The following GAPVD1 variants were observed in gnomAD, a reference collection of about 807,000 sequenced individuals.
GAPVD1 encodes GTPase-activating protein and VPS9 domain-containing protein 1.
Under a neutral mutation model 155.5 loss-of-function variants are expected in GAPVD1, and 35 were observed. The ratio of observed to expected loss-of-function variants is 0.23; its 90% CI spans 0.17 to 0.30. The LOEUF (loss-of-function observed/expected upper bound fraction) is 0.30, where lower values mean the gene tolerates loss of function less well. GAPVD1 is among the 10% of genes least tolerant of loss of function. The probability of loss-of-function intolerance (pLI) is 1.00; values close to 1 mark genes in which losing one functional copy is unlikely to be tolerated. For synonymous variants in GAPVD1, 636 were observed against 619.7 expected, an observed-to-expected ratio of 1.03 and a Z score of -0.39; for missense variants, 1,429 against 1,775.7, an observed-to-expected ratio of 0.80 and a Z score of 3.51.
chr9:125,330,459 C>A (rs1379966964), intron 13 of GAPVD1, among the ~76,000 whole-genome samples: 1 of 151,972 alleles, frequency 6.6e-6, no homozygotes, highest in African/African-American at 2.4e-5. Flanking sequence ...GCTGGGATTA[C>A]AGACATGCCC....
At chr9:125,308,809 T>G (rs1842250170) in intron 8 of GAPVD1, 1 of 152,118 alleles carries the variant, frequency 6.6e-6, no homozygotes, top group Admixed American at 6.6e-5. Context: ...TGTTGATAGT[T>G]TAGTTAGGGA....
chr9:125,308,060 CT>C, intron 8 of GAPVD1, 180 bp downstream of exon 8: 1 of 608,728 alleles, frequency 1.6e-6, no homozygotes. Flanking sequence ...TATCAGTAGT[CT>C]TTAGCTTTGC....
intron 2 of GAPVD1, among the ~76,000 whole-genome samples, chr9:125,284,430 G>A (rs866344240): frequency 4.6e-5 from 7 of 151,398 alleles, no homozygotes; most frequent in African/African-American, 2.4e-5. Context: ...CGCTCACCTC[G>A]GCTTCCCAAA....
At chr9:125,267,020 G>T (rs1385282097) in intron 1 of GAPVD1, among the ~76,000 whole-genome samples, 1 of 152,162 alleles carries the variant, frequency 6.6e-6, no homozygotes, top group Non-Finnish European at 1.5e-5. Flanking sequence ...TCCCCAAAGG[G>T]CTGGGATTAC....
chr9:125,272,406 A>G (rs117597983), intron 2 of GAPVD1, among the ~76,000 whole-genome samples: 4 of 152,328 alleles, frequency 2.6e-5, no homozygotes, highest in African/African-American at 7.2e-5. Flanking sequence ...TGATTCCTCT[A>G]AAACAAAGTC....
intron 27 of GAPVD1, among the ~76,000 whole-genome samples, chr9:125,361,477 T>G (rs1451301803): frequency 6.7e-6 from 1 of 149,496 alleles, no homozygotes; most frequent in Non-Finnish European, 1.5e-5. Context: ...TGAGCCGAGA[T>G]CACACTGCTG....
intron 2 of GAPVD1, among the ~76,000 whole-genome samples, chr9:125,293,874 AT>A (rs1351237437): frequency 1.3e-4 from 2 of 15,102 alleles, no homozygotes; most frequent in Admixed American, 1.8e-3. Flanking sequence ...ATATATATAT[AT>A]ATATATATAT....
At chr9:125,276,089 G>A (rs1278855285) in intron 2 of GAPVD1, among the ~76,000 whole-genome samples, 1 of 152,194 alleles carries the variant, frequency 6.6e-6, no homozygotes, top group African/African-American at 2.4e-5. Flanking sequence ...CCAGAATTCT[G>A]TTGTCGTCAC....
intron 2 of GAPVD1, among the ~76,000 whole-genome samples, chr9:125,293,879 T>TATATATA (rs1564312076): frequency 0.015 from 304 of 20,376 alleles, 16 homozygotes; most frequent in African/African-American, 0.058. Context: ...TATATATATA[T>TATATATA]ATATATATAT....
rs959172344 is a variant in GAPVD1 at position 125,349,458 on chromosome 9, G to A, written c.3238G>A (p.Asp1080Asn). The A allele has an allele frequency of 1.2e-6, 2 of 1,613,904 alleles. No individual in the cohort carries two copies. Among genetic ancestry groups the A allele is most frequent in the Non-Finnish European group, 8.5e-7 (1 of 1,179,838 alleles). Residue 1080 changes from aspartate to asparagine, a missense_variant, in exon 21 of 28, where the codon GAT (aspartate) becomes AAT (asparagine). Physicochemically the swap from Asp to Asn is conservative, Grantham distance 23. Around this residue, in one of 4 missense-constraint regions of GAPVD1, gnomAD observed 699 missense variants for 826.0 expected, o/e 0.85. Transcript: ENST00000297933. ...CGAAGCACTGCAGAACATCTCGGCT[G>A]ATGATCTCCCAGACTCTGCAAGCCA... ...RDEALQNISA[D>N]DLPDSASQAA...
At chr9:125,284,337 C>T (rs74982546) in intron 2 of GAPVD1, among the ~76,000 whole-genome samples, 3,254 of 151,724 alleles carry the variant, frequency 0.021, 122 homozygotes, top group African/African-American at 0.075. Context: ...CACCACCATG[C>T]CCAGCTAATT....
chr9:125,301,567 A>G (rs1046081936), intron 4 of GAPVD1, among the ~76,000 whole-genome samples: 4 of 151,244 alleles, frequency 2.6e-5, no homozygotes, highest in Admixed American at 2.0e-4. Context: ...TCCTGCCTCA[A>G]TTTTCCAAGT....
chr9:125,335,034 A>G (rs1846678205), intron 15 of GAPVD1: 3 of 495,494 alleles, frequency 6.1e-6, no homozygotes, highest in Non-Finnish European at 1.1e-5. Context: ...TTTGGTTTCA[A>G]ATTCTACCTT....
In GAPVD1 at chr9:125,337,069, T is replaced by C. The variant is rs758909128; in HGVS notation, c.2480T>C (p.Met827Thr). 2.4e-5 allele frequency: 38 copies of C among 1,613,246 alleles called. No homozygotes were observed. Among genetic ancestry groups the C allele is most frequent in the Non-Finnish European group, 3.2e-5 (38 of 1,179,262 alleles). The stretch of plus-strand genomic sequence containing the variant: ...TCTCAGTCAGAGTCTCTGCTGGCCA[T>C]GTTTGATCCACTGTCTTCACATGAA... ...PPSQSESLLA[M>T]FDPLSSHEGA... is the part of the protein sequence containing the mutation. The change falls in exon 16 of 28, where the codon ATG becomes ACG. Residue 827 changes from methionine (M) to threonine (T), a missense_variant. Coordinates refer to ENST00000297933, the MANE Select transcript of GAPVD1 (RefSeq NM_001282680.3).
intron 8 of GAPVD1, 79 bp from the exon 9 acceptor site, chr9:125,312,373 A>G (rs1842785385): frequency 2.2e-6 from 2 of 922,400 alleles, no homozygotes; most frequent in Non-Finnish European, 1.6e-6. Context: ...GCACTAATAG[A>G]AAATATATTC....
chr9:125,321,615 T>G, intron 10 of GAPVD1, 53 bp downstream of exon 10: 1 of 1,546,366 alleles, frequency 6.5e-7, no homozygotes, highest in Non-Finnish European at 8.8e-7. Context: ...TAGTTTGTTT[T>G]GTGTTTTTTA....
intron 5 of GAPVD1, 108 bp from the exon 6 acceptor site, chr9:125,304,955 T>G: frequency 1.4e-6 from 1 of 702,568 alleles, no homozygotes; most frequent in Non-Finnish European, 2.5e-6. Flanking sequence ...ATGAATAGTA[T>G]TATGAAACAG....
intron 2 of GAPVD1, among the ~76,000 whole-genome samples, chr9:125,292,413 T>A (rs13286176): frequency 6.6e-6 from 1 of 151,830 alleles, no homozygotes; most frequent in African/African-American, 2.4e-5. Context: ...TTTTTTTTTT[T>A]AGACACTCTT....
At position 125,337,382 on chromosome 9, in the gene GAPVD1, A is replaced by C. The variant is rs1847190862; in HGVS notation, c.2668A>C (p.Arg890=). The change falls in exon 17 of 28, where the codon AGG becomes CGG. Residue 890 remains arginine, a synonymous_variant. Coordinates refer to ENST00000297933, the MANE Select transcript of GAPVD1 (RefSeq NM_001282680.3). The part of the protein sequence containing the change: ...TPAEMEAFKQ[R]HSYPERLVRS... ...AGCTGAAATGGAGGCATTCAAGCAA[A>C]GGCATTCTTACCCTGAGAGACTAGT... 4 of 1,614,176 alleles carry C rather than the reference A, an allele frequency of 2.5e-6. No homozygotes were observed. Among genetic ancestry groups the C allele is most frequent in the Middle Eastern group, 1.6e-4 (1 of 6,062 alleles).
Sources: gnomAD v4.1 joint callset for allele counts (sites outside exome capture counted in the v4.1 genomes callset) on GRCh38, gnomAD v4.1.1 for gene constraint, gnomAD v4.1.1 regional missense constraint, MANE v1.5 for transcripts, NCBI Gene and HGNC (gene_info 2026-07-23, HGNC 2026-07-21) for gene names.